C10orf71: variants seen among roughly 807,000 people sequenced by gnomAD.
C10orf71 encodes chromosome 10 open reading frame 71.
For missense variants in C10orf71, 1,869 were observed against 1,804.5 expected, an observed-to-expected ratio of 1.04 and a Z score of -0.65; for synonymous variants, 758 against 726.3, an observed-to-expected ratio of 1.04 and a Z score of -0.70.
Position 49,324,740 on chromosome 10 carries a change from C to A in C10orf71, c.2195C>A (p.Ser732Tyr). 1 of 1,568,668 alleles carries A rather than the reference C, an allele frequency of 6.4e-7. No homozygotes were observed. Reference sequence around the variant, plus strand: ...GGTAAGGCCAAATTCAGCACCAGCTCTTCAGATCAATCCTTTGCCTCATTT... The same window carrying A: ...GGTAAGGCCAAATTCAGCACCAGCTATTCAGATCAATCCTTTGCCTCATTT... Reference protein sequence around the residue: ...LKGKAKFSTSSSDQSFASFDD... With the variant: ...LKGKAKFSTSYSDQSFASFDD... The change falls in exon 3 of 3, where the codon TCT becomes TAT. Residue 732 changes from serine (S) to tyrosine (Y), a missense_variant. Ser to Tyr is a moderately radical substitution (Grantham distance 144). Coordinates refer to ENST00000374144, the MANE Select transcript of C10orf71 (RefSeq NM_001135196.2).
At chr10:49,314,155 A>G (rs1848960940) in intron 1 of C10orf71, among the ~76,000 whole-genome samples, 1 of 152,238 alleles carries the variant, frequency 6.6e-6, no homozygotes, top group Admixed American at 6.5e-5. Context: ...CAGAACATCC[A>G]TCAGGAAGGA....
At position 49,322,867 on chromosome 10, in the gene C10orf71, G is replaced by T; in HGVS notation, c.322G>T (p.Gly108Ter). 1.9e-6 allele frequency: 3 copies of T among 1,613,942 alleles called. No individual in the cohort carries two copies. Among genetic ancestry groups the T allele is most frequent in the Non-Finnish European group, 2.5e-6 (3 of 1,179,870 alleles). The stretch of plus-strand genomic sequence containing the variant: ...CCAACAGCTACCCAAGTACGTTCAG[G>T]GAGAGGAAAAGTACCCCAAAACCAG... ...TFQQLPKYVQGEEKYPKTSPP... is the reference protein window; with the variant it reads ...TFQQLPKYVQ Residue 108 changes from glycine to a stop codon, truncating the protein, a stop_gained, in exon 3 of 3, where the codon GGA (glycine) becomes TGA (stop). Transcript: ENST00000374144. LOFTEE classifies it low-confidence loss of function (END_TRUNC).
rs4838381 is a variant in C10orf71, at chr10:49,306,922, T to A, written c.-248+7689T>A. Among the ~76,000 whole-genome samples, 378 of 152,110 alleles carry A rather than the reference T, an allele frequency of 2.5e-3. 3 individuals are homozygous for A. The highest frequency in any genetic ancestry group is 0.014 in the Middle Eastern group (4 of 294). On this transcript the variant is annotated intron_variant, in intron 1 of 2. Coordinates refer to ENST00000374144, the MANE Select transcript of C10orf71 (RefSeq NM_001135196.2). Reference sequence around the variant, plus strand: ...AGTGGGGGTGGCCCTGCAGTTTGGGTTGGGTGCAACAAGGAGGTGCAAGGG... The same window carrying A: ...AGTGGGGGTGGCCCTGCAGTTTGGGATGGGTGCAACAAGGAGGTGCAAGGG...
At chr10:49,313,794 T>C (rs1288710324) in intron 1 of C10orf71, among the ~76,000 whole-genome samples, 1 of 152,032 alleles carries the variant, frequency 6.6e-6, no homozygotes, top group Non-Finnish European at 1.5e-5. Context: ...GCTTTAAACA[T>C]GTGGGTTGGA....
At chr10:49,297,066 A>G (rs1848652245), upstream of C10orf71, among the ~76,000 whole-genome samples, 3 of 152,212 alleles carry the variant, frequency 2.0e-5, no homozygotes, top group Admixed American at 1.3e-4. Flanking sequence ...AGCAAACACC[A>G]TTCGCTCCTG....
chr10:49,319,153 C>T (rs1372465012), intron 2 of C10orf71, among the ~76,000 whole-genome samples: 2 of 152,164 alleles, frequency 1.3e-5, no homozygotes, highest in Admixed American at 6.5e-5. Flanking sequence ...TCAATACTTG[C>T]TATTTTATGT....
At position 49,325,731 on chromosome 10, in the gene C10orf71, C is replaced by CAGTGCCGGCTCCCCG; in HGVS notation, c.3186_3187insAGTGCCGGCTCCCCG (p.Pro1062_Gly1063insSerAlaGlySerPro). The CAGTGCCGGCTCCCCG allele has an allele frequency of 6.4e-7, 1 of 1,551,360 alleles. No homozygotes were observed. Among genetic ancestry groups the CAGTGCCGGCTCCCCG allele is most frequent in the Non-Finnish European group, 8.7e-7 (1 of 1,146,866 alleles). On this transcript the variant is annotated inframe_insertion, in exon 3 of 3. Transcript: ENST00000374144. The stretch of plus-strand genomic sequence containing the variant: ...CGAATTCCCCCAACCCCGGCTCCCC[C>CAGTGCCGGCTCCCCG]GGGGAGAGCAGTGCCTGCTCCCCTG...
In C10orf71 at chr10:49,326,492, A is replaced by T; in HGVS notation, c.3947A>T (p.Glu1316Val). The change falls in exon 3 of 3, where the codon GAG becomes GTG. Residue 1316 changes from glutamate to valine, a missense_variant. Coordinates refer to ENST00000374144, the MANE Select transcript of C10orf71 (RefSeq NM_001135196.2). The stretch of plus-strand genomic sequence containing the variant: ...GTCAAGGTCTCCATCCCGTCCTCCG[A>T]GGGGGCCTCCCCAGAGCCGCCCCCA... ...KYVKVSIPSS[E>V]GASPEPPPPD... 3.2e-6 allele frequency: 5 copies of T among 1,550,270 alleles called. No individual in the cohort carries two copies. Among genetic ancestry groups the T allele is most frequent in the Non-Finnish European group, 4.4e-6 (5 of 1,146,722 alleles).
rs1849230438 is a variant in C10orf71, at chr10:49,325,928, A to G, written c.3383A>G (p.Glu1128Gly). ...GAGGGCGGCTCTGACCCCCTACTTG[A>G]GCTGTCGGCAGAAGACCTCCGGACC... Reference protein sequence around the residue: ...VWEGGSDPLLELSAEDLRTLS... With the variant: ...VWEGGSDPLLGLSAEDLRTLS... Residue 1128 changes from glutamate to glycine, a missense_variant, in exon 3 of 3, where the codon GAG (glutamate) becomes GGG (glycine). By Grantham distance (98) the Glu-to-Gly change is moderately conservative. Coordinates refer to ENST00000374144, the MANE Select transcript of C10orf71 (RefSeq NM_001135196.2). 2 of 1,551,000 alleles carry G rather than the reference A, an allele frequency of 1.3e-6. No homozygotes were observed. The highest frequency in any genetic ancestry group is 2.4e-5 in the East Asian group (1 of 40,880).
chr10:49,309,860 A>C (rs1047710606), intron 1 of C10orf71, among the ~76,000 whole-genome samples: 2 of 152,182 alleles, frequency 1.3e-5, no homozygotes, highest in African/African-American at 4.8e-5. Context: ...AATCAATTCC[A>C]ATTTGTTAGA....
At chr10:49,311,230 C>A (rs999477941) in intron 1 of C10orf71, among the ~76,000 whole-genome samples, 3 of 152,330 alleles carry the variant, frequency 2.0e-5, no homozygotes, top group African/African-American at 7.2e-5. Context: ...ACAAGCTCCT[C>A]AGTTATGTGG....
Position 49,322,600 on chromosome 10 carries a change from G to C in C10orf71, c.55G>C (p.Gly19Arg), listed in dbSNP as rs372149474. The change falls in exon 3 of 3, where the codon GGC becomes CGC. Residue 19 changes from glycine (G) to arginine (R), a missense_variant. Gly to Arg is a moderately radical substitution (Grantham distance 125). Transcript: ENST00000374144. ...TDAFSDSSSI[G>R]SVLDDADREV... is the part of the protein sequence containing the mutation. ...CGCGTTCAGCGACTCCTCCAGCATC[G>C]GCAGCGTGTTGGATGATGCAGACAG... The C allele has an allele frequency of 8.7e-6, 14 of 1,612,562 alleles. No homozygotes were observed. Among genetic ancestry groups the C allele is most frequent in the African/African-American group, 1.3e-5 (1 of 74,904 alleles).
chr10:49,312,397 A>G (rs1451756613), intron 1 of C10orf71, among the ~76,000 whole-genome samples: 1 of 152,252 alleles, frequency 6.6e-6, no homozygotes, highest in African/African-American at 2.4e-5. Flanking sequence ...TCTGCAGAAC[A>G]TGGCGCTGTT....
chr10:49,326,753 G>A lies in C10orf71; in HGVS notation c.4208G>A (p.Gly1403Asp), dbSNP rs1188263863. Residue 1403 changes from glycine (G) to aspartate (D), a missense_variant, in exon 3 of 3, where the codon GGT (glycine) becomes GAT (aspartate). Transcript: ENST00000374144. ...TPHSAGQRPH[G>D]PPQSPGEEGV... ...CACTCTGCAGGCCAGCGCCCTCATG[G>A]TCCTCCCCAGAGCCCAGGAGAGGAG... 2.6e-6 allele frequency: 4 copies of A among 1,551,150 alleles called. No homozygotes were observed. Among genetic ancestry groups the A allele is most frequent in the South Asian group, 1.2e-5 (1 of 84,068 alleles).
chr10:49,297,360 C>T (rs1848655829), upstream of C10orf71, among the ~76,000 whole-genome samples: 1 of 152,246 alleles, frequency 6.6e-6, no homozygotes, highest in Middle Eastern at 3.4e-3. Flanking sequence ...AAATTTGTTT[C>T]AATGTGTACT....
chr10:49,318,866 C>T (rs1849042832), intron 2 of C10orf71, among the ~76,000 whole-genome samples: 1 of 152,202 alleles, frequency 6.6e-6, no homozygotes, highest in African/African-American at 2.4e-5. Context: ...TGTGGCCAGC[C>T]CATGGTCACT....
rs2132446315 is a variant in C10orf71, at chr10:49,326,620, A to G, written c.4075A>G (p.Thr1359Ala). 3 of 1,549,868 alleles carry G rather than the reference A, an allele frequency of 1.9e-6. No individual in the cohort carries two copies. In the East Asian group the frequency reaches 7.3e-5, roughly 38 times the overall value. Residue 1359 changes from threonine (T) to alanine (A), a missense_variant, in exon 3 of 3, where the codon ACC becomes GCC. Physicochemically the swap from Thr to Ala is moderately conservative, Grantham distance 58. Transcript: ENST00000374144. The part of the protein sequence containing the change: ...LRCSSQLSAP[T>A]FLRQGPRASA... ...CTGCTCCTCTCAGCTCTCCGCGCCC[A>G]CCTTCCTCAGGCAGGGCCCTCGTGC...
At position 49,322,861 on chromosome 10, in the gene C10orf71, G is replaced by A. The variant is rs201139916; in HGVS notation, c.316G>A (p.Val106Ile). ...AATFQQLPKY[V>I]QGEEKYPKTS... Reference sequence around the variant, plus strand: ...CACCTTCCAACAGCTACCCAAGTACGTTCAGGGAGAGGAAAAGTACCCCAA... The same window carrying A: ...CACCTTCCAACAGCTACCCAAGTACATTCAGGGAGAGGAAAAGTACCCCAA... The change falls in exon 3 of 3, where the codon GTT becomes ATT. Residue 106 changes from valine to isoleucine, a missense_variant. By Grantham distance (29) the Val-to-Ile change is conservative (BLOSUM62 3). Coordinates refer to ENST00000374144, the MANE Select transcript of C10orf71 (RefSeq NM_001135196.2). 2.0e-4 allele frequency: 324 copies of A among 1,613,920 alleles called. No homozygotes were observed. The African/African-American group carries it at 3.5e-3, about 18-fold the overall frequency.
At position 49,325,374 on chromosome 10, in the gene C10orf71, C is replaced by T; in HGVS notation, c.2829C>T (p.Ser943=). Residue 943 remains serine (S), a synonymous_variant, in exon 3 of 3, where the codon AGC becomes AGT. Coordinates refer to ENST00000374144, the MANE Select transcript of C10orf71 (RefSeq NM_001135196.2). ...EVMEDPGQGS[S]MARMEASQPA... Reference sequence around the variant, plus strand: ...TGGAGGACCCTGGGCAGGGGTCGAGCATGGCCAGGATGGAGGCCTCTCAGC... The same window carrying T: ...TGGAGGACCCTGGGCAGGGGTCGAGTATGGCCAGGATGGAGGCCTCTCAGC... 1 of 1,551,640 alleles carries T rather than the reference C, an allele frequency of 6.4e-7. No individual in the cohort carries two copies. The highest frequency in any genetic ancestry group is 8.7e-7 in the Non-Finnish European group (1 of 1,146,936).
Sources: allele counts gnomAD v4.1 joint callset (sites outside exome capture counted in the v4.1 genomes callset), GRCh38; gene constraint gnomAD v4.1.1; transcripts MANE v1.5; gene names NCBI Gene and HGNC (gene_info 2026-07-23, HGNC 2026-07-21).